Variants in SLC66A2 observed in about 807,000 individuals in gnomAD.
SLC66A2 encodes the protein solute carrier family 66 member 2.
SLC66A2 carries 23 observed loss-of-function variants against 25.5 expected under a neutral mutation model. That is an observed-to-expected ratio of 0.90 (90% confidence interval 0.65 to 1.28). SLC66A2 has a LOEUF of 1.28. Among genes scored for constraint, SLC66A2 ranks in the 50% most tolerant of loss-of-function variants. The probability of loss-of-function intolerance (pLI) is 0.00; values close to 1 mark genes in which losing one functional copy is unlikely to be tolerated. For synonymous variants in SLC66A2, 193 were observed against 166.5 expected (o/e 1.16, Z -1.23); for missense variants, 396 against 373.1 (o/e 1.06, Z -0.51).
chr18:79,951,590 C>A lies in SLC66A2; in HGVS notation c.-109G>T. The stretch of plus-strand genomic sequence containing the variant: ...CCCCCGCGCTCCTTACCTGCGCCCC[C>A]AGCCCCGCGCCCAGCGCCCCGCGTC... On this transcript the variant is annotated 5_prime_UTR_variant, in exon 1 of 6. Transcript: ENST00000397778. The A allele has an allele frequency of 6.6e-6, 1 of 151,710 alleles. No homozygotes were observed. Among genetic ancestry groups the A allele is most frequent in the South Asian group, 1.8e-4 (1 of 5,572 alleles). 9.4% of individuals were successfully genotyped at this position (151,710 alleles called of 1,614,324 possible).
At position 79,917,908 on chromosome 18, in the gene SLC66A2, C is replaced by A. The variant is rs1291226615; in HGVS notation, c.608+1276G>T. On this transcript the variant is annotated intron_variant, in intron 5 of 5. Transcript: ENST00000397778. The surrounding 1 kb of genome is among the most constrained non-coding windows in gnomAD (Gnocchi z 6.0). ...ACCTGACCCATGCCCCACACCTCTA[C>A]CTACAGCCCACACCGGAACTCCATA... 6.6e-6 allele frequency among the ~76,000 whole-genome samples: 1 copy of A among 151,784 alleles called. No individual in the cohort carries two copies. Among genetic ancestry groups the A allele is most frequent in the Non-Finnish European group, 1.5e-5 (1 of 67,910 alleles).
chr18:79,943,272 CAG>C (rs970514024), intron 3 of SLC66A2, 55 bp downstream of exon 3: 46 of 1,581,654 alleles, frequency 2.9e-5, no homozygotes, highest in African/African-American at 5.4e-5. Flanking sequence ...TTTGTTTCAC[CAG>C]AGTCACCTAC....
Position 79,904,063 on chromosome 18 carries a change from G to A in SLC66A2, c.729C>T (p.Ala243=), listed in dbSNP as rs115785049. 3.2e-5 allele frequency: 52 copies of A among 1,611,846 alleles called. No individual in the cohort carries two copies. The African/African-American group carries it at 6.0e-4, about 19-fold the overall frequency. Reference sequence around the variant, plus strand: ...CGAAGGCGTAGGCCTGCCCCAGGATGGCCAGGTCCACCAGCACCTGCAGCA... The same window carrying A: ...CGAAGGCGTAGGCCTGCCCCAGGATAGCCAGGTCCACCAGCACCTGCAGCA... ...CGLLQVLVDL[A]ILGQAYAFAR... is the part of the protein sequence containing the mutation. The change falls in exon 6 of 6, where the codon GCC becomes GCT. Residue 243 remains alanine, a synonymous_variant. Transcript: ENST00000397778. This position sits in a 1 kb window ranked among gnomAD's most constrained non-coding sequence, Gnocchi z 6.3.
chr18:79,905,870 A>AACAC (rs751958644), intron 5 of SLC66A2, among the ~76,000 whole-genome samples: 1 of 152,158 alleles, frequency 6.6e-6, no homozygotes, highest in African/African-American at 2.4e-5. Context: ...TAACTCTGTA[A>AACAC]ACACACACAC....
At chr18:79,908,165 G>T (rs1982411192) in intron 5 of SLC66A2, among the ~76,000 whole-genome samples, 1 of 152,108 alleles carries the variant, frequency 6.6e-6, no homozygotes, top group Non-Finnish European at 1.5e-5. Context: ...GGCCATTTCT[G>T]TTGGTTTTCC....
chr18:79,950,761 C>G lies in SLC66A2; in HGVS notation c.166G>C (p.Val56Leu). 6.2e-7 allele frequency: 1 copy of G among 1,613,310 alleles called. No individual in the cohort carries two copies. The highest frequency in any genetic ancestry group is 8.5e-7 in the Non-Finnish European group (1 of 1,179,994). The stretch of plus-strand genomic sequence containing the variant: ...CGCAAAATGTTGGCCACCAGCAGCA[C>G]CAGGCACACGTAGGTGGAGAAGCCG... ...ADGFSTYVCLVLLVANILRIL... is the reference protein window; with the variant it reads ...ADGFSTYVCLLLLVANILRIL... Residue 56 changes from valine to leucine, a missense_variant, in exon 2 of 6, where the codon GTG (valine) becomes CTG (leucine). Physicochemically the swap from Val to Leu is conservative, Grantham distance 32. Transcript: ENST00000397778.
intron 4 of SLC66A2, among the ~76,000 whole-genome samples, chr18:79,932,016 A>G (rs1388025825): frequency 1.3e-5 from 2 of 152,212 alleles, no homozygotes; most frequent in Non-Finnish European, 2.9e-5. Flanking sequence ...AATATTAAAA[A>G]TAAATAAATA....
In SLC66A2 at chr18:79,917,923, G is replaced by C. The variant is rs1435568144; in HGVS notation, c.608+1261C>G. On this transcript the variant is annotated intron_variant, in intron 5 of 5. Transcript: ENST00000397778. This position sits in a 1 kb window ranked among gnomAD's most constrained non-coding sequence, Gnocchi z 6.0. ...CACACCTCTACCTACAGCCCACACC[G>C]GAACTCCATACCCCACACCCCAGCC... Among the ~76,000 whole-genome samples, 2 of 149,756 alleles carry C rather than the reference G, an allele frequency of 1.3e-5. No homozygotes were observed. The highest frequency in any genetic ancestry group is 6.6e-5 in the Admixed American group (1 of 15,066).
At chr18:79,938,688 G>T (rs1441312663) in intron 3 of SLC66A2, among the ~76,000 whole-genome samples, 1 of 152,156 alleles carries the variant, frequency 6.6e-6, no homozygotes, top group Non-Finnish European at 1.5e-5. Context: ...GCTTTGTTTT[G>T]TTTTTTAAGA....
At chr18:79,928,511 AGTG>A (rs937099876) in intron 4 of SLC66A2, among the ~76,000 whole-genome samples, 3 of 152,206 alleles carry the variant, frequency 2.0e-5, no homozygotes, top group African/African-American at 7.2e-5. Flanking sequence ...CATCACTGCC[AGTG>A]GTGAACATTA....
At chr18:79,915,218 A>G (rs1160802986) in intron 5 of SLC66A2, among the ~76,000 whole-genome samples, 1 of 152,084 alleles carries the variant, frequency 6.6e-6, no homozygotes, top group African/African-American at 2.4e-5. Flanking sequence ...GTCACTCTTA[A>G]AAGCGCAGAC....
chr18:79,903,625 C>T lies in SLC66A2; in HGVS notation c.*351G>A, dbSNP rs571696653. On this transcript the variant is annotated 3_prime_UTR_variant, in exon 6 of 6. Coordinates refer to ENST00000397778, the MANE Select transcript of SLC66A2 (RefSeq NM_025078.5). ...GCTTCAAGGTTCGCGGCTGCTGGCCCGTGTGTCCACCTGGAGCAGGTTCCT... is the reference window on the plus strand; with the variant it reads ...GCTTCAAGGTTCGCGGCTGCTGGCCTGTGTGTCCACCTGGAGCAGGTTCCT... 8.0e-5 allele frequency: 25 copies of T among 313,298 alleles called. No individual in the cohort carries two copies. Among genetic ancestry groups the T allele is most frequent in the Non-Finnish European group, 1.1e-4 (19 of 169,472 alleles). 19.4% of individuals were successfully genotyped at this position (313,298 alleles called of 1,614,324 possible). A position where few individuals can be genotyped will look rare whatever the true frequency, so the allele number is the denominator to read the frequency against.
intron 2 of SLC66A2, 118 bp downstream of exon 2, chr18:79,950,605 TG>T: frequency 2.2e-6 from 2 of 914,186 alleles, no homozygotes; most frequent in Non-Finnish European, 3.5e-6. Context: ...CACGGCAGAG[TG>T]GGACGCTGGC....
rs1363973841 is a variant in SLC66A2, at chr18:79,940,990, C to G, written c.337+2339G>C. 2.0e-5 allele frequency among the ~76,000 whole-genome samples: 3 copies of G among 152,110 alleles called. No individual in the cohort carries two copies. The highest frequency in any genetic ancestry group is 1.9e-4 in the East Asian group (1 of 5,184). ...ACCCCAGGAGCCCGGCCCCCTACCC[C>G]TCGTGGCGGCCCTGGACTGCTTCCC... On this transcript the variant is annotated intron_variant, in intron 3 of 5. Coordinates refer to ENST00000397778, the MANE Select transcript of SLC66A2 (RefSeq NM_025078.5). This position sits in a 1 kb window ranked among gnomAD's most constrained non-coding sequence, Gnocchi z 4.1.
chr18:79,951,275 G>C (rs1474032265), intron 1 of SLC66A2, among the ~76,000 whole-genome samples: 4 of 151,640 alleles, frequency 2.6e-5, no homozygotes, highest in Non-Finnish European at 5.9e-5. Flanking sequence ...GTCACCGCCC[G>C]GGTGCGCTTA....
intron 1 of SLC66A2, 111 bp from the exon 2 acceptor site, chr18:79,951,136 C>A (rs1042772463): frequency 4.0e-6 from 1 of 251,704 alleles, no homozygotes; most frequent in Non-Finnish European, 7.4e-6. Context: ...CGGGGGCGAC[C>A]GGGGCCCGGG....
chr18:79,921,891 G>T (rs1257611848), intron 4 of SLC66A2, among the ~76,000 whole-genome samples: 1 of 5,832 alleles, frequency 1.7e-4, no homozygotes, highest in African/African-American at 1.8e-4. Flanking sequence ...GGGAACCGAG[G>T]GAGAGGTCAA....
intron 3 of SLC66A2, 49 bp from the exon 4 acceptor site, chr18:79,934,071 A>C: frequency 6.7e-7 from 1 of 1,490,548 alleles, no homozygotes; most frequent in Non-Finnish European, 9.3e-7. Context: ...AAAGACAGAA[A>C]CATACTGGTT....
chr18:79,930,150 TCA>T (rs1444004075), intron 4 of SLC66A2: 3 of 152,122 alleles, frequency 2.0e-5, no homozygotes, highest in African/African-American at 7.2e-5. Context: ...CCCTGACACA[TCA>T]CAGTCTAAAT....
Sources: gnomAD v4.1 joint callset for allele counts (sites outside exome capture counted in the v4.1 genomes callset) on GRCh38, gnomAD v4.1.1 for gene constraint, Gnocchi (gnomAD v3.1) non-coding constraint, MANE v1.5 for transcripts, NCBI Gene and HGNC (gene_info 2026-07-23, HGNC 2026-07-21) for gene names.